The following KLRG1 variants were observed in gnomAD, a reference collection of about 807,000 sequenced individuals.
The protein encoded by KLRG1 is killer cell lectin like receptor G1.
KLRG1 carries 16 observed loss-of-function variants against 21.8 expected under a neutral mutation model. The observed-to-expected ratio is 0.73, with a 90% CI of 0.50 to 1.11. The LOEUF is 1.11. Ranked by LOEUF, KLRG1 falls within the 50% of genes most tolerant of loss-of-function variation. KLRG1 has a pLI of 0.00. For missense variants in KLRG1, 173 were observed against 218.3 expected, an observed-to-expected ratio of 0.79 and a Z score of 1.31; for synonymous variants, 69 against 75.9, an observed-to-expected ratio of 0.91 and a Z score of 0.47.
At chr12:9,018,124 A>G in the KLRG1 span, among the ~76,000 whole-genome samples, 1 of 152,210 alleles carries the variant, frequency 6.6e-6, no homozygotes, top group East Asian at 1.9e-4. Context: ...CAAAAACAGT[A>G]GAAGGATATT....
the KLRG1 span, among the ~76,000 whole-genome samples, chr12:9,092,835 C>T: frequency 1.3e-5 from 2 of 152,186 alleles, no homozygotes; most frequent in South Asian, 2.1e-4. Context: ...CAGCATTATT[C>T]ACAGTTGCCA....
At chr12:8,952,043 C>G (rs1946213596) in intron 1 of KLRG1, among the ~76,000 whole-genome samples, 2 of 152,194 alleles carry the variant, frequency 1.3e-5, no homozygotes, top group Non-Finnish European at 2.9e-5. Flanking sequence ...GCTCAAGGTT[C>G]TTGCTGGGGC....
Position 9,010,255 on chromosome 12 carries a change from C to T in KLRG1, c.*718C>T, listed in dbSNP as rs1449605279. ...AATGAGTGAGGGCAAGGTGGTACTTCCTCCTTCTGAGCTCTTCACACGTAA... is the reference window on the plus strand; with the variant it reads ...AATGAGTGAGGGCAAGGTGGTACTTTCTCCTTCTGAGCTCTTCACACGTAA... On this transcript the variant is annotated 3_prime_UTR_variant, in exon 5 of 5. Coordinates refer to ENST00000356986, the MANE Select transcript of KLRG1 (RefSeq NM_005810.4). 1 of 487,212 alleles carries T rather than the reference C, an allele frequency of 2.1e-6. No individual in the cohort carries two copies. Among genetic ancestry groups the T allele is most frequent in the African/African-American group, 2.0e-5 (1 of 51,142 alleles). 30.2% of individuals were successfully genotyped at this position (487,212 alleles called of 1,614,324 possible). A position where few individuals can be genotyped will look rare whatever the true frequency, so the allele number is the denominator to read the frequency against.
the KLRG1 span, among the ~76,000 whole-genome samples, chr12:9,061,067 G>T: frequency 6.6e-6 from 1 of 151,934 alleles, no homozygotes; most frequent in Non-Finnish European, 1.5e-5. Flanking sequence ...GAAGAATTTT[G>T]TATTTATAAC....
At chr12:8,992,066 C>A in intron 1 of KLRG1, 140 bp from the exon 2 acceptor site, 1 of 642,762 alleles carries the variant, frequency 1.6e-6, no homozygotes, top group South Asian at 2.0e-5. Flanking sequence ...CCTGACACAT[C>A]TAGAAAAGGA....
At chr12:9,040,156 C>T in the KLRG1 span, among the ~76,000 whole-genome samples, 1 of 152,136 alleles carries the variant, frequency 6.6e-6, no homozygotes, top group Non-Finnish European at 1.5e-5. Flanking sequence ...AATTTGCTAC[C>T]ATTTTGAAAT....
At chr12:8,967,102 G>A (rs1440744063) in intron 1 of KLRG1, among the ~76,000 whole-genome samples, 9 of 145,680 alleles carry the variant, frequency 6.2e-5, no homozygotes, top group Middle Eastern at 3.5e-3. Context: ...ACCAAACACC[G>A]CATGTTCTCA....
At chr12:9,118,393 C>T in the KLRG1 span, among the ~76,000 whole-genome samples, 4,034 of 152,218 alleles carry the variant, frequency 0.027, 130 homozygotes, top group African/African-American at 0.077. Context: ...TACAGTTCTG[C>T]GCTTCCCCTT....
chr12:9,067,587 C>A, the KLRG1 span: 1 of 591,092 alleles, frequency 1.7e-6, no homozygotes, highest in East Asian at 3.2e-5. Context: ...ATCACTGTAT[C>A]ATTTTTTTGT....
At chr12:9,188,994 T>C in the KLRG1 span, among the ~76,000 whole-genome samples, 1 of 151,838 alleles carries the variant, frequency 6.6e-6, no homozygotes, top group Non-Finnish European at 1.5e-5. Flanking sequence ...CTCAAAGAAA[T>C]CAGAGATGAT....
chr12:9,181,943 G>A, the KLRG1 span: 1 of 1,605,092 alleles, frequency 6.2e-7, no homozygotes. Flanking sequence ...TCATTTATTT[G>A]TGTTCTTTTA....
the KLRG1 span, among the ~76,000 whole-genome samples, chr12:9,046,904 G>C: frequency 6.6e-6 from 1 of 151,964 alleles, no homozygotes; most frequent in South Asian, 2.1e-4. Context: ...ACCCAGGTTG[G>C]AGTGCAGTGG....
the KLRG1 span, chr12:9,089,111 A>G: frequency 9.4e-7 from 1 of 1,069,230 alleles, no homozygotes; most frequent in African/African-American, 1.6e-5. Context: ...CTTAGATCAC[A>G]GAGAAAGTGT....
chr12:9,027,931 C>G, the KLRG1 span: 1 of 885,930 alleles, frequency 1.1e-6, no homozygotes, highest in Non-Finnish European at 1.9e-6. Flanking sequence ...GAAGCGCTAG[C>G]TCTCTCTTGC....
At chr12:9,053,455 A>T in the KLRG1 span, among the ~76,000 whole-genome samples, 1 of 152,156 alleles carries the variant, frequency 6.6e-6, no homozygotes, top group East Asian at 1.9e-4. Flanking sequence ...TCGCGACCCC[A>T]CCACATTTGT....
chr12:9,162,473 G>A, the KLRG1 span: 1 of 707,746 alleles, frequency 1.4e-6, no homozygotes, highest in Non-Finnish European at 2.4e-6. Flanking sequence ...GAAATATTTA[G>A]TATTATGCTG....
the KLRG1 span, chr12:9,072,873 T>C: frequency 6.2e-7 from 1 of 1,612,056 alleles, no homozygotes; most frequent in Non-Finnish European, 8.5e-7. Context: ...CACTGTGTCC[T>C]GTTAGAGACA....
intron 1 of KLRG1, among the ~76,000 whole-genome samples, chr12:8,969,975 G>T (rs1271452415): frequency 6.6e-6 from 1 of 152,150 alleles, no homozygotes; most frequent in Non-Finnish European, 1.5e-5. Context: ...AGTTAGCCAG[G>T]TATGGTGGTG....
the KLRG1 span, among the ~76,000 whole-genome samples, chr12:9,163,296 C>CA: frequency 6.7e-5 from 9 of 134,432 alleles, no homozygotes; most frequent in African/African-American, 2.6e-4. Flanking sequence ...ACTAAAAATA[C>CA]AAAAAAAAAA....
Sources: gnomAD v4.1 joint callset for allele counts (sites outside exome capture counted in the v4.1 genomes callset) on GRCh38, gnomAD v4.1.1 for gene constraint, MANE v1.5 for transcripts, NCBI Gene and HGNC (gene_info 2026-07-23, HGNC 2026-07-21) for gene names.